Variants in CALR3 observed in about 807,000 individuals in gnomAD.
The protein encoded by CALR3 is calreticulin-3.
In CALR3, 39 loss-of-function variants were observed where a neutral mutation model predicts 48.7. The observed-to-expected ratio is 0.80, with a 90% CI of 0.62 to 1.05. The LOEUF is 1.05. Ranked by LOEUF, CALR3 falls within the 50% of genes least tolerant of loss-of-function variation. The pLI is 0.00. For synonymous variants in CALR3, 185 were observed against 172.7 expected, an observed-to-expected ratio of 1.07 and a Z score of -0.56; for missense variants, 449 against 474.7, an observed-to-expected ratio of 0.95 and a Z score of 0.50.
intron 3 of CALR3, among the ~76,000 whole-genome samples, chr19:16,487,392 A>G (rs2093390689): frequency 6.7e-6 from 1 of 149,112 alleles, no homozygotes; most frequent in Non-Finnish European, 1.5e-5. Context: ...AGGTAGGAGA[A>G]TCGCTTGAAC....
Position 16,482,724 on chromosome 19 carries a change from A to T in CALR3, c.740T>A (p.Leu247Gln), listed in dbSNP as rs961599926. ...TSKQSDWNGD[L>Q]DGDWPAPMLQ... ...CATCGGCGCTGGCCAGTCCCCATCCAGGTCACCGTTCCAGTCGCTCTGCTT... is the reference window on the plus strand; with the variant it reads ...CATCGGCGCTGGCCAGTCCCCATCCTGGTCACCGTTCCAGTCGCTCTGCTT... Residue 247 changes from leucine (L) to glutamine (Q), a missense_variant, in exon 6 of 9, where the codon CTG becomes CAG. Coordinates refer to ENST00000269881, the MANE Select transcript of CALR3 (RefSeq NM_145046.5). 3 of 1,613,890 alleles carry T rather than the reference A, an allele frequency of 1.9e-6. No individual in the cohort carries two copies. The highest frequency in any genetic ancestry group is 2.7e-5 in the African/African-American group (2 of 74,948).
chr19:16,480,489 T>TGA, intron 8 of CALR3, 125 bp downstream of exon 8: 1 of 684,750 alleles, frequency 1.5e-6, no homozygotes, highest in East Asian at 2.8e-5. Flanking sequence ...GAGGTGGAGG[T>TGA]TGCAGTGAGC....
chr19:16,489,619 CAA>C (rs56111667), intron 3 of CALR3, among the ~76,000 whole-genome samples: 71 of 139,004 alleles, frequency 5.1e-4, no homozygotes, highest in South Asian at 1.1e-3. Context: ...AACTCTGTCT[CAA>C]AAAAAAAAAA....
At chr19:16,490,217 G>C (rs1197253515) in intron 3 of CALR3, 150 bp downstream of exon 3, 4 of 694,998 alleles carry the variant, frequency 5.8e-6, no homozygotes, top group African/African-American at 3.5e-5. Context: ...GCTTGGATCC[G>C]ATACACTCAA....
chr19:16,482,221 C>G (rs1409781286), intron 7 of CALR3, among the ~76,000 whole-genome samples: 1 of 150,734 alleles, frequency 6.6e-6, no homozygotes, highest in African/African-American at 2.4e-5. Context: ...ACTCCCATTT[C>G]TTAAAAAAAA....
chr19:16,489,283 G>C (rs1273489308), intron 3 of CALR3, among the ~76,000 whole-genome samples: 2 of 151,892 alleles, frequency 1.3e-5, no homozygotes, highest in Non-Finnish European at 1.5e-5. Flanking sequence ...TCAGGAGTTC[G>C]ATACCTGCCA....
chr19:16,485,210 G>A lies in CALR3; in HGVS notation c.445C>T (p.His149Tyr), dbSNP rs2122133577. 1.2e-6 allele frequency: 2 copies of A among 1,610,498 alleles called. No individual in the cohort carries two copies. Among genetic ancestry groups the A allele is most frequent in the Non-Finnish European group, 1.7e-6 (2 of 1,176,902 alleles). ...TTTTCGTGATACTTATTCTTGAAAT[G>A]TAAAATAACATGAACTTTCTTGATA... ...FDIKKVHVIL[H>Y]FKNKYHENKK... The change falls in exon 4 of 9, where the codon CAT becomes TAT. Residue 149 changes from histidine (H) to tyrosine (Y), a missense_variant. His to Tyr is a moderately conservative substitution (Grantham distance 83). Transcript: ENST00000269881.
Position 16,484,281 on chromosome 19 carries a change from G to A in CALR3, c.493-166C>T, listed in dbSNP as rs183655549. Among the ~76,000 whole-genome samples the A allele has an allele frequency of 3.0e-3, 448 of 149,566 alleles. 3 individuals are homozygous for A. The highest frequency in any genetic ancestry group is 0.011 in the African/African-American group (429 of 40,622). On this transcript the variant is annotated intron_variant, in intron 4 of 8. Transcript: ENST00000269881. ...CAACCTCCACCTCCTGAGTTCAAGC[G>A]ATTCTACTGCCTCAGCCTCCTGAGA...
rs868037272 is a variant in CALR3, at chr19:16,482,702, C to T, written c.762G>A (p.Pro254=). The T allele has an allele frequency of 1.2e-6, 2 of 1,614,086 alleles. No homozygotes were observed. Among genetic ancestry groups the T allele is most frequent in the Admixed American group, 1.7e-5 (1 of 59,996 alleles). The part of the protein sequence containing the change: ...NGDLDGDWPA[P]MLQKPPYQDG... ...CCTGGTACGGGGGCTTCTGGAGCATCGGCGCTGGCCAGTCCCCATCCAGGT... is the reference window on the plus strand; with the variant it reads ...CCTGGTACGGGGGCTTCTGGAGCATTGGCGCTGGCCAGTCCCCATCCAGGT... Residue 254 remains proline (P), a synonymous_variant, in exon 6 of 9, where the codon CCG becomes CCA. Transcript: ENST00000269881.
chr19:16,480,153 G>C (rs1481364617), intron 8 of CALR3, among the ~76,000 whole-genome samples: 1 of 130,814 alleles, frequency 7.6e-6, no homozygotes, highest in African/African-American at 3.0e-5. Context: ...AGTGCGCCGA[G>C]ATCACGCCAC....
intron 3 of CALR3, among the ~76,000 whole-genome samples, chr19:16,486,536 C>T (rs1599719266): frequency 1.3e-5 from 2 of 149,348 alleles, no homozygotes. Flanking sequence ...AGGAGAATGG[C>T]TTGAACCTGG....
In CALR3 at chr19:16,480,695, TC is replaced by T; in HGVS notation, c.929del (p.Gly310GlufsTer8). 6.2e-7 allele frequency: 1 copy of T among 1,612,590 alleles called. No homozygotes were observed. The highest frequency in any genetic ancestry group is 8.5e-7 in the Non-Finnish European group (1 of 1,178,628). ...IGLELWQVRS[G>X]TIFDNFLITD... ...TGATCAGAAAGTTATCAAAAATGGTTCCAGATCTCACCTGCAGATGAAAATA... is the reference window on the plus strand; with the variant it reads ...TGATCAGAAAGTTATCAAAAATGGTTCAGATCTCACCTGCAGATGAAAATA... On this transcript the variant is annotated frameshift_variant, in exon 8 of 9. Transcript: ENST00000269881. LOFTEE classifies it high-confidence loss of function.
At chr19:16,481,159 A>G (rs892873373) in intron 7 of CALR3, among the ~76,000 whole-genome samples, 1 of 149,476 alleles carries the variant, frequency 6.7e-6, no homozygotes, top group Non-Finnish European at 1.5e-5. Context: ...GTCTCAAAGA[A>G]AAAAAAAAAA....
chr19:16,483,548 T>A (rs1466249613), intron 5 of CALR3, among the ~76,000 whole-genome samples: 1 of 151,958 alleles, frequency 6.6e-6, no homozygotes, highest in Non-Finnish European at 1.5e-5. Context: ...TGAAACCCCA[T>A]CTCTACTAAA....
intron 5 of CALR3, 139 bp downstream of exon 5, chr19:16,483,791 G>T: frequency 8.0e-6 from 6 of 749,086 alleles, no homozygotes; most frequent in Non-Finnish European, 1.4e-5. Flanking sequence ...TGGCTGGTCT[G>T]CAGTGTGTGC....
At chr19:16,481,183 G>A (rs1463244219) in intron 7 of CALR3, among the ~76,000 whole-genome samples, 1 of 151,996 alleles carries the variant, frequency 6.6e-6, no homozygotes, top group Non-Finnish European at 1.5e-5. Context: ...CTGGGCTCAT[G>A]TGATGGTCCC....
intron 3 of CALR3, among the ~76,000 whole-genome samples, chr19:16,489,383 C>A (rs989318248): frequency 3.9e-5 from 6 of 152,190 alleles, no homozygotes; most frequent in African/African-American, 7.2e-5. Context: ...CTTTGGGAGG[C>A]TGAGGTGGGC....
chr19:16,495,961 C>T, intron 1 of CALR3, 78 bp downstream of exon 1: 1 of 1,559,784 alleles, frequency 6.4e-7, no homozygotes, highest in Non-Finnish European at 8.8e-7. Context: ...CCGTGGACCC[C>T]GTGGCGACTC....
chr19:16,496,110 T>A lies in CALR3; in HGVS notation c.20A>T (p.Gln7Leu). MARALV[Q>L]LWAICMLRVA... is the part of the protein sequence containing the mutation. ...TCGCAGCATGCATATGGCCCAGAGC[T>A]GGACCAAAGCCCGGGCCATGGGGGT... is the stretch of plus-strand genomic sequence containing the variant. The change falls in exon 1 of 9, where the codon CAG becomes CTG. Residue 7 changes from glutamine (Q) to leucine (L), a missense_variant. By Grantham distance (113) the Gln-to-Leu change is moderately radical (BLOSUM62 -2). Transcript: ENST00000269881. 1.2e-6 allele frequency: 2 copies of A among 1,605,170 alleles called. No homozygotes were observed. Among genetic ancestry groups the A allele is most frequent in the Non-Finnish European group, 1.7e-6 (2 of 1,176,070 alleles).
Sources: gnomAD v4.1 joint callset for allele counts (sites outside exome capture counted in the v4.1 genomes callset) on GRCh38, gnomAD v4.1.1 for gene constraint, MANE v1.5 for transcripts, NCBI Gene and HGNC (gene_info 2026-07-23, HGNC 2026-07-21) for gene names.